The following CAPN8 variants were observed in gnomAD, a reference collection of about 807,000 sequenced individuals.
CAPN8 encodes calpain 8.
A neutral mutation model predicts 80.9 loss-of-function variants in CAPN8; 87 were observed. That is an observed-to-expected ratio of 1.07 (90% CI 0.90 to 1.28). The LOEUF (loss-of-function observed/expected upper bound fraction) is 1.28, where lower values mean the gene tolerates loss of function less well. CAPN8 is among the 50% of genes most tolerant of loss of function. The pLI is 0.00. For missense variants in CAPN8, 757 were observed against 702.0 expected (o/e 1.08, Z -0.89); for synonymous variants, 299 against 273.8 (o/e 1.09, Z -0.91).
At chr1:223,646,882 G>A (rs1658207985) in intron 2 of CAPN8, among the ~76,000 whole-genome samples, 1 of 152,152 alleles carries the variant, frequency 6.6e-6, no homozygotes, top group South Asian at 2.1e-4. Flanking sequence ...CTAGAACGCA[G>A]AACAGATTCA....
chr1:223,626,648 A>G (rs545368390), intron 5 of CAPN8, among the ~76,000 whole-genome samples: 8 of 152,218 alleles, frequency 5.3e-5, no homozygotes, highest in Non-Finnish European at 1.0e-4. Context: ...CAAAACCTCA[A>G]GATTATTTAG....
In CAPN8 at chr1:223,609,293, G is replaced by T; in HGVS notation, c.1395C>A (p.Ser465Arg). The change falls in exon 12 of 21, where the codon AGC (serine) becomes AGA (arginine). Residue 465 changes from serine (S) to arginine (R), a missense_variant. By Grantham distance (110) the Ser-to-Arg change is moderately radical. Transcript: ENST00000366872. The part of the protein sequence containing the change: ...FLAYQPSART[S>R]TYVNLREVSG... ...AGACCTCCCGCAGGTTGACGTAGGT[G>T]CTGGTGCGGGCTGAGGGCTGGTAGG... 1 of 398,630 alleles carries T rather than the reference G, an allele frequency of 2.5e-6. No homozygotes were observed. The highest frequency in any genetic ancestry group is 4.4e-6 in the Non-Finnish European group (1 of 226,092). The allele number at this position is 398,630 out of a possible 1,614,324, so 24.7% of individuals were successfully genotyped here. A position where few individuals can be genotyped will look rare whatever the true frequency, so the allele number is the denominator to read the frequency against.
Position 223,643,306 on chromosome 1 carries a change from C to T in CAPN8, c.307+11024G>A, listed in dbSNP as rs1313926177. Among the ~76,000 whole-genome samples the T allele has an allele frequency of 3.3e-5, 5 of 152,314 alleles. No homozygotes were observed. In the South Asian group the frequency reaches 1.0e-3, roughly 32 times the overall value. ...CTAAATGGCCCGGCAGTTCCAACTC[C>T]GGGCTAGGTATCCTGAGGTTTCCAA... is the stretch of plus-strand genomic sequence containing the variant. On this transcript the variant is annotated intron_variant, in intron 2 of 20. Coordinates refer to ENST00000366872, the MANE Select transcript of CAPN8 (RefSeq NM_001143962.2).
chr1:223,614,891 C>T (rs1657127376), intron 10 of CAPN8, among the ~76,000 whole-genome samples: 1 of 152,274 alleles, frequency 6.6e-6, no homozygotes, highest in Non-Finnish European at 1.5e-5. Context: ...GAAAGAGCCA[C>T]ACTGGAGTAG....
chr1:223,645,623 C>A (rs1437879648), intron 2 of CAPN8, among the ~76,000 whole-genome samples: 1 of 152,178 alleles, frequency 6.6e-6, no homozygotes, highest in African/African-American at 2.4e-5. Context: ...GTCCTGAACA[C>A]ATGTACAGAA....
chr1:223,547,392 A>C (rs577995370), intron 16 of CAPN8, among the ~76,000 whole-genome samples: 1 of 152,360 alleles, frequency 6.6e-6, no homozygotes, highest in East Asian at 1.9e-4. Context: ...CATTATATGA[A>C]ATGTCCACAA....
At chr1:223,646,395 A>C (rs535003121) in intron 2 of CAPN8, among the ~76,000 whole-genome samples, 1 of 152,342 alleles carries the variant, frequency 6.6e-6, no homozygotes, top group East Asian at 1.9e-4. Context: ...AGCCAGTCCC[A>C]GATGCTGATG....
At chr1:223,552,335 G>A (rs1656809173) in intron 14 of CAPN8, among the ~76,000 whole-genome samples, 1 of 152,094 alleles carries the variant, frequency 6.6e-6, no homozygotes, top group African/African-American at 2.4e-5. Flanking sequence ...AGGCCGAGGT[G>A]GGTGGATCAC....
intron 1 of CAPN8, among the ~76,000 whole-genome samples, chr1:223,656,883 G>A (rs1041777049): frequency 2.0e-5 from 3 of 151,686 alleles, no homozygotes; most frequent in African/African-American, 4.8e-5. Flanking sequence ...ATGGGGTTTC[G>A]CCTTGTTAAC....
At chr1:223,642,696 A>G in intron 2 of CAPN8, 1 of 420,684 alleles carries the variant, frequency 2.4e-6, no homozygotes, top group Non-Finnish European at 4.7e-6. Flanking sequence ...CTAAGTTTTC[A>G]GTGGAGAGGA....
Position 223,609,366 on chromosome 1 carries a change from T to G in CAPN8, c.1324-2A>C. The G allele has an allele frequency of 2.5e-6, 1 of 398,594 alleles. No homozygotes were observed. Among genetic ancestry groups the G allele is most frequent in the Non-Finnish European group, 4.4e-6 (1 of 226,056 alleles). 24.7% of individuals were successfully genotyped at this position (398,594 alleles called of 1,614,324 possible). On this transcript the variant is annotated splice_acceptor_variant, in intron 11 of 20. Transcript: ENST00000366872. LOFTEE classifies it high-confidence loss of function. ...GTGTGCGTCCGTGTGACTCTCCAGC[T>G]GCACGAAACAATAAGCAGAGTCAAT...
intron 6 of CAPN8, among the ~76,000 whole-genome samples, chr1:223,623,733 C>T (rs1657472175): frequency 6.6e-6 from 1 of 152,192 alleles, no homozygotes; most frequent in Admixed American, 6.5e-5. Context: ...CAGTGGCTCA[C>T]GCCTGTGATC....
intron 2 of CAPN8, among the ~76,000 whole-genome samples, chr1:223,637,020 C>A (rs937680020): frequency 6.6e-6 from 1 of 152,156 alleles, no homozygotes; most frequent in Non-Finnish European, 1.5e-5. Context: ...AAGTTTGTTC[C>A]CCATGCCTCA....
chr1:223,657,848 C>T (rs531973746), intron 1 of CAPN8, among the ~76,000 whole-genome samples: 24 of 152,274 alleles, frequency 1.6e-4, no homozygotes, highest in African/African-American at 5.5e-4. Flanking sequence ...ACTTCTACAT[C>T]CATAGCTTCA....
At chr1:223,665,382 T>C (rs1571749260) in intron 1 of CAPN8, 28 bp downstream of exon 1, 1 of 1,535,020 alleles carries the variant, frequency 6.5e-7, no homozygotes, top group East Asian at 2.5e-5. Flanking sequence ...ACCTTGTATG[T>C]CACTCAACAG....
At chr1:223,622,947 T>C (rs1361472265) in intron 6 of CAPN8, 47 bp from the exon 7 acceptor site, 1 of 1,467,142 alleles carries the variant, frequency 6.8e-7, no homozygotes, top group Non-Finnish European at 9.3e-7. Context: ...TATGCTCCTG[T>C]TGCCTTGCAG....
At chr1:223,637,032 G>A (rs1054767462) in intron 2 of CAPN8, among the ~76,000 whole-genome samples, 14 of 152,282 alleles carry the variant, frequency 9.2e-5, no homozygotes, top group African/African-American at 2.9e-4. Context: ...CATGCCTCAA[G>A]TAGAGCCTCA....
At chr1:223,645,096 C>T (rs9803627) in intron 2 of CAPN8, among the ~76,000 whole-genome samples, 15,228 of 152,030 alleles carry the variant, frequency 0.1, 1,781 homozygotes, top group African/African-American at 0.28. Context: ...GCCAAAGGCC[C>T]GAGAGACCCT....
chr1:223,619,434 C>T lies in CAPN8; in HGVS notation c.994G>A (p.Val332Met), dbSNP rs1167474564. The change falls in exon 9 of 21, where the codon GTG becomes ATG. Residue 332 changes from valine to methionine, a missense_variant. Coordinates refer to ENST00000366872, the MANE Select transcript of CAPN8 (RefSeq NM_001143962.2). ...GEFWMSLSDF[V>M]RQFSRLEICN... ...ATCTCCAACCGAGAGAACTGCCTCA[C>T]GAAATCTGAAAGTGACATCCTGGGG... is the stretch of plus-strand genomic sequence containing the variant. The T allele has an allele frequency of 2.0e-5, 31 of 1,551,564 alleles. No individual in the cohort carries two copies. Among genetic ancestry groups the T allele is most frequent in the East Asian group, 7.3e-5 (3 of 40,912 alleles).
Sources: gnomAD v4.1 joint callset for allele counts (sites outside exome capture counted in the v4.1 genomes callset) on GRCh38, gnomAD v4.1.1 for gene constraint, MANE v1.5 for transcripts, NCBI Gene and HGNC (gene_info 2026-07-23, HGNC 2026-07-21) for gene names.